Variants in AK8 observed in about 807,000 individuals in gnomAD.
AK8 encodes the protein adenylate kinase 8.
AK8 carries 44 observed loss-of-function variants against 54.6 expected under a neutral mutation model. That is an observed-to-expected ratio of 0.81 (90% CI 0.63 to 1.04). The LOEUF is 1.04. Ranked by LOEUF, AK8 falls within the 50% of genes least tolerant of loss-of-function variation. The pLI is 0.00. For missense variants in AK8, 555 were observed against 613.6 expected (o/e 0.90, Z 1.01); for synonymous variants, 239 against 245.6 (o/e 0.97, Z 0.25).
chr9:132,808,523 G>A (rs957926850), intron 10 of AK8, among the ~76,000 whole-genome samples: 1 of 152,156 alleles, frequency 6.6e-6, no homozygotes, highest in Non-Finnish European at 1.5e-5. Context: ...CTGCTGATTC[G>A]AAAGAAGGAG....
intron 11 of AK8, among the ~76,000 whole-genome samples, chr9:132,777,856 CCACCCCCAA>C (rs1839289717): frequency 6.6e-6 from 1 of 152,188 alleles, no homozygotes; most frequent in Non-Finnish European, 1.5e-5. Flanking sequence ...GCTGTGGGTC[CCACCCCCAA>C]CACACGCCCC....
At chr9:132,810,971 G>A (rs896847707) in intron 10 of AK8, among the ~76,000 whole-genome samples, 4 of 152,168 alleles carry the variant, frequency 2.6e-5, no homozygotes, top group African/African-American at 7.2e-5. Context: ...ACTGGAAAAT[G>A]GGCAAAGGGA....
chr9:132,863,636 C>T, intron 4 of AK8, 29 bp downstream of exon 4: 2 of 1,530,918 alleles, frequency 1.3e-6, no homozygotes, highest in Non-Finnish European at 1.8e-6. Flanking sequence ...CTGCTGTGTG[C>T]CTACCCCTGT....
intron 11 of AK8, among the ~76,000 whole-genome samples, chr9:132,777,427 G>C (rs1160440156): frequency 6.6e-6 from 1 of 152,134 alleles, no homozygotes; most frequent in East Asian, 1.9e-4. Flanking sequence ...GATCAGAGAC[G>C]AGCTGCTTGG....
chr9:132,848,906 CT>C (rs577735065), intron 5 of AK8, among the ~76,000 whole-genome samples: 18,853 of 118,442 alleles, frequency 0.16, 936 homozygotes, highest in East Asian at 0.36. Flanking sequence ...CTCCTGTTTG[CT>C]TTTTTTTTTT....
At chr9:132,848,182 C>T (rs1452673044) in intron 5 of AK8, among the ~76,000 whole-genome samples, 1 of 147,870 alleles carries the variant, frequency 6.8e-6, no homozygotes, top group Non-Finnish European at 1.5e-5. Context: ...TGAATGCTTC[C>T]AGCCTGGTGA....
At chr9:132,839,884 C>G (rs1182017764) in intron 5 of AK8, among the ~76,000 whole-genome samples, 2 of 149,984 alleles carry the variant, frequency 1.3e-5, no homozygotes, top group African/African-American at 4.9e-5. Flanking sequence ...GTGGCGCGAT[C>G]TCGGCTCACC....
At chr9:132,840,361 C>T (rs1842488238) in intron 5 of AK8, among the ~76,000 whole-genome samples, 1 of 151,524 alleles carries the variant, frequency 6.6e-6, no homozygotes, top group South Asian at 2.1e-4. Context: ...CATTTTGAAC[C>T]ATTCCTAACC....
At chr9:132,752,730 C>A (rs1214029490) in intron 11 of AK8, among the ~76,000 whole-genome samples, 1 of 149,098 alleles carries the variant, frequency 6.7e-6, no homozygotes, top group African/African-American at 2.5e-5. Context: ...CCCCACCCAC[C>A]CCACCTGCAG....
intron 5 of AK8, among the ~76,000 whole-genome samples, chr9:132,852,793 AAAGAAAGAAAG>A (rs1843019176): frequency 6.7e-6 from 1 of 149,028 alleles, no homozygotes; most frequent in Admixed American, 6.7e-5. Flanking sequence ...AAAAAAAAAA[AAAGAAAGAAAG>A]AAAAAATGAT....
intron 11 of AK8, among the ~76,000 whole-genome samples, chr9:132,733,363 C>T (rs888128888): frequency 2.2e-4 from 34 of 152,198 alleles, no homozygotes; most frequent in Non-Finnish European, 1.9e-4. Flanking sequence ...CACCAAAACA[C>T]GGCTGTCACG....
intron 11 of AK8, among the ~76,000 whole-genome samples, chr9:132,752,632 C>A (rs940137629): frequency 6.6e-6 from 1 of 151,790 alleles, no homozygotes; most frequent in East Asian, 1.9e-4. Context: ...ACCCTGCCCC[C>A]ACCTTGTTCC....
At chr9:132,854,745 C>T in intron 5 of AK8, 112 bp downstream of exon 5, 2 of 1,203,056 alleles carry the variant, frequency 1.7e-6, no homozygotes, top group Non-Finnish European at 2.4e-6. Flanking sequence ...TCCCGTTTGC[C>T]TGCCTTACCT....
intron 10 of AK8, among the ~76,000 whole-genome samples, chr9:132,804,538 C>T (rs1840626434): frequency 6.6e-6 from 1 of 152,022 alleles, no homozygotes; most frequent in African/African-American, 2.4e-5. Flanking sequence ...TCCCGCATCC[C>T]CTGGCTTCCA....
At chr9:132,774,009 G>C (rs1184633979) in intron 11 of AK8, among the ~76,000 whole-genome samples, 2 of 152,146 alleles carry the variant, frequency 1.3e-5, no homozygotes, top group Non-Finnish European at 2.9e-5. Flanking sequence ...AAGAGAGGAA[G>C]CATGGGGCCC....
At chr9:132,804,352 T>C (rs550557020) in intron 10 of AK8, among the ~76,000 whole-genome samples, 27 of 152,234 alleles carry the variant, frequency 1.8e-4, no homozygotes, top group South Asian at 1.0e-3. Context: ...GCAGACAGCG[T>C]GAGCAGAAAC....
chr9:132,740,838 C>T (rs1837346685), intron 11 of AK8, among the ~76,000 whole-genome samples: 1 of 152,190 alleles, frequency 6.6e-6, no homozygotes, highest in Admixed American at 6.5e-5. Context: ...CACTCCTCAT[C>T]AGATGCATTT....
intron 10 of AK8, among the ~76,000 whole-genome samples, chr9:132,810,450 A>G (rs1402216833): frequency 6.6e-6 from 1 of 152,186 alleles, no homozygotes; most frequent in African/African-American, 2.4e-5. Context: ...TTAGTGGTGG[A>G]TGAATTAAGC....
intron 5 of AK8, among the ~76,000 whole-genome samples, chr9:132,851,536 A>C (rs1842971956): frequency 6.6e-6 from 1 of 152,218 alleles, no homozygotes; most frequent in South Asian, 2.1e-4. Flanking sequence ...GTTTGATGAG[A>C]TCAAAGGCTC....
Sources: allele counts gnomAD v4.1 joint callset (sites outside exome capture counted in the v4.1 genomes callset), GRCh38; gene constraint gnomAD v4.1.1; transcripts MANE v1.5; gene names NCBI Gene and HGNC (gene_info 2026-07-23, HGNC 2026-07-21).